The following PXK variants were observed in gnomAD, a reference collection of about 807,000 sequenced individuals.
PXK encodes PX domain containing serine/threonine kinase like.
PXK carries 35 observed loss-of-function variants against 84.7 expected under a neutral mutation model. That is an observed-to-expected ratio of 0.41 (90% CI 0.32 to 0.55). The LOEUF (loss-of-function observed/expected upper bound fraction) is 0.55. Among genes scored for constraint, PXK ranks in the 20% least tolerant of loss-of-function variants. The probability of loss-of-function intolerance (pLI) is 0.21; values close to 1 mark genes in which losing one functional copy is unlikely to be tolerated. For missense variants in PXK, 634 were observed against 699.7 expected, an observed-to-expected ratio of 0.91 and a Z score of 1.06; for synonymous variants, 253 against 260.8, an observed-to-expected ratio of 0.97 and a Z score of 0.29.
At chr3:58,408,242 T>A (rs913507125) in intron 13 of PXK, among the ~76,000 whole-genome samples, 1 of 152,248 alleles carries the variant, frequency 6.6e-6, no homozygotes, top group African/African-American at 2.4e-5. Context: ...TGTATCTGCC[T>A]GCATGTCAGT....
intron 1 of PXK, among the ~76,000 whole-genome samples, chr3:58,348,998 T>C (rs998837801): frequency 6.6e-6 from 1 of 152,150 alleles, no homozygotes. Context: ...ACAGCATATC[T>C]CAATTGGGAC....
At chr3:58,402,274 CCTT>C (rs2058704328) in intron 12 of PXK, among the ~76,000 whole-genome samples, 1 of 139,134 alleles carries the variant, frequency 7.2e-6, no homozygotes, top group South Asian at 2.6e-4. Flanking sequence ...CTCTCTCCCC[CCTT>C]CTTCTTTTTG....
chr3:58,395,708 T>C lies in PXK; in HGVS notation c.771T>C (p.Ile257=), dbSNP rs1156357767. Residue 257 remains isoleucine, a synonymous_variant, in exon 9 of 18, where the codon ATT becomes ATC. Coordinates refer to ENST00000356151, the MANE Select transcript of PXK (RefSeq NM_017771.5). ...AGAAGTACTGCAACCCTAAGAAGAT[T>C]CAGGGCCTGGAACTCCAGCAAATAA... ...FLKKYCNPKK[I]QGLELQQIKT... 1 of 1,613,968 alleles carries C rather than the reference T, an allele frequency of 6.2e-7. No individual in the cohort carries two copies. The highest frequency in any genetic ancestry group is 1.7e-5 in the Admixed American group (1 of 60,002).
rs375411152 is a variant in PXK, at chr3:58,399,787, A to G, written c.1181+410A>G. On this transcript the variant is annotated intron_variant, in intron 12 of 17. Coordinates refer to ENST00000356151, the MANE Select transcript of PXK (RefSeq NM_017771.5). The surrounding 1 kb of genome is among the most constrained non-coding windows in gnomAD (Gnocchi z 4.3). ...TAGTTCACAAGTCACAGGGCCTTGAAGGGTCTGCCCTCCAGGAAGAGGGCA... is the reference window on the plus strand; with the variant it reads ...TAGTTCACAAGTCACAGGGCCTTGAGGGGTCTGCCCTCCAGGAAGAGGGCA... Among the ~76,000 whole-genome samples the G allele has an allele frequency of 2.8e-4, 43 of 152,184 alleles. No individual in the cohort carries two copies. In the South Asian group the frequency reaches 3.7e-3, roughly 13 times the overall value.
Position 58,385,782 on chromosome 3 carries a change from A to C in PXK, c.388+3082A>C, listed in dbSNP as rs183144634. Among the ~76,000 whole-genome samples, 13 of 152,236 alleles carry C rather than the reference A, an allele frequency of 8.5e-5. No homozygotes were observed. Among genetic ancestry groups the C allele is most frequent in the South Asian group, 2.1e-4 (1 of 4,814 alleles). ...CCAAAGTGCTGGGATTACAGGCATGAGCCACTGTGCCTGGCCCACTTTTCC... is the reference window on the plus strand; with the variant it reads ...CCAAAGTGCTGGGATTACAGGCATGCGCCACTGTGCCTGGCCCACTTTTCC... On this transcript the variant is annotated intron_variant, in intron 4 of 17. Transcript: ENST00000356151. This position sits in a 1 kb window ranked among gnomAD's most constrained non-coding sequence, Gnocchi z 5.1.
chr3:58,369,164 C>A (rs1225795719), intron 2 of PXK, among the ~76,000 whole-genome samples: 2 of 152,132 alleles, frequency 1.3e-5, no homozygotes, highest in Admixed American at 1.3e-4. Context: ...GCCCTGAAAA[C>A]AAATATTCTC....
chr3:58,350,528 G>T (rs1043129978), intron 1 of PXK, among the ~76,000 whole-genome samples: 1 of 152,188 alleles, frequency 6.6e-6, no homozygotes, highest in African/African-American at 2.4e-5. Flanking sequence ...AAAGTATTGT[G>T]TCCAAGGGCA....
intron 17 of PXK, chr3:58,422,148 T>C (rs970695797): frequency 1.0e-6 from 1 of 985,230 alleles, no homozygotes; most frequent in African/African-American, 1.7e-5. Flanking sequence ...AGGAAGCTTG[T>C]GGACCATGGA....
intron 4 of PXK, 59 bp downstream of exon 4, chr3:58,382,759 G>T: frequency 7.9e-7 from 1 of 1,257,890 alleles, no homozygotes; most frequent in Non-Finnish European, 1.1e-6. Flanking sequence ...GTCCCTTGCT[G>T]GAGATAACGT....
intron 17 of PXK, chr3:58,422,799 C>T (rs926233463): frequency 2.0e-6 from 2 of 985,310 alleles, no homozygotes; most frequent in African/African-American, 1.7e-5. Context: ...GAGGGCTAGT[C>T]AGTCTCTAGA....
At chr3:58,413,732 A>T (rs2060552093) in intron 17 of PXK, 1 of 152,190 alleles carries the variant, frequency 6.6e-6, no homozygotes, top group South Asian at 2.1e-4. Context: ...ATGTGCGAGG[A>T]GCTGCTTCTG....
intron 17 of PXK, among the ~76,000 whole-genome samples, chr3:58,418,720 G>A (rs2061371136): frequency 6.6e-6 from 1 of 152,210 alleles, no homozygotes; most frequent in South Asian, 2.1e-4. Context: ...CTTGCAATCA[G>A]ATAATTCTAG....
At chr3:58,351,414 T>TGTGTGC (rs1488876244) in intron 1 of PXK, among the ~76,000 whole-genome samples, 1 of 150,994 alleles carries the variant, frequency 6.6e-6, no homozygotes, top group Non-Finnish European at 1.5e-5. Context: ...TGTGTGTGTG[T>TGTGTGC]GTGTGTGTGT....
At chr3:58,408,754 C>T (rs1220914655) in intron 13 of PXK, among the ~76,000 whole-genome samples, 170 bp from the exon 14 acceptor site, 2 of 152,116 alleles carry the variant, frequency 1.3e-5, no homozygotes, top group Admixed American at 6.5e-5. Context: ...CATCTCCTGA[C>T]CGCGTGATCC....
chr3:58,405,448 A>G (rs6803151), intron 13 of PXK, among the ~76,000 whole-genome samples: 111,955 of 152,032 alleles, frequency 0.74, 41,746 homozygotes, highest in East Asian at 0.81. Context: ...GGAGGCTGAG[A>G]CAGGTGGATC....
chr3:58,390,737 T>G lies in PXK; in HGVS notation c.466+78T>G. The G allele has an allele frequency of 7.4e-7, 1 of 1,355,746 alleles. No homozygotes were observed. The highest frequency in any genetic ancestry group is 1.0e-6 in the Non-Finnish European group (1 of 972,050). 84.0% of individuals were successfully genotyped at this position (1,355,746 alleles called of 1,614,324 possible). A position where few individuals can be genotyped will look rare whatever the true frequency, so the allele number is the denominator to read the frequency against. On this transcript the variant is annotated intron_variant, in intron 5 of 17. Transcript: ENST00000356151. The surrounding 1 kb of genome is among the most constrained non-coding windows in gnomAD (Gnocchi z 4.2). ...CCTTAGTCATGCTTTCTGATACGTA[T>G]CCCAGGAACATGCTTAAATGCAGGT...
chr3:58,382,189 G>A (rs2098509885), intron 3 of PXK, among the ~76,000 whole-genome samples: 1 of 152,024 alleles, frequency 6.6e-6, no homozygotes, highest in Admixed American at 6.5e-5. Flanking sequence ...GATGTCACAT[G>A]CCTGTAGTCC....
intron 1 of PXK, among the ~76,000 whole-genome samples, chr3:58,354,769 A>G (rs1303046850): frequency 1.4e-4 from 21 of 151,896 alleles, no homozygotes; most frequent in Non-Finnish European, 1.5e-5. Flanking sequence ...AGAGGTTTAG[A>G]ACAATGGTTC....
Position 58,401,114 on chromosome 3 carries a change from A to T in PXK, c.1181+1737A>T, listed in dbSNP as rs1296924765. 6.6e-6 allele frequency among the ~76,000 whole-genome samples: 1 copy of T among 152,078 alleles called. No homozygotes were observed. Among genetic ancestry groups the T allele is most frequent in the Non-Finnish European group, 1.5e-5 (1 of 68,016 alleles). ...GTCTTCCAGTCCTTAAGTGAATCCA[A>T]ATATTTTTTTCTTCACCTAAGTCTT... On this transcript the variant is annotated intron_variant, in intron 12 of 17. Coordinates refer to ENST00000356151, the MANE Select transcript of PXK (RefSeq NM_017771.5). This position sits in a 1 kb window ranked among gnomAD's most constrained non-coding sequence, Gnocchi z 4.4.
Sources: allele counts gnomAD v4.1 joint callset (sites outside exome capture counted in the v4.1 genomes callset), GRCh38; gene constraint gnomAD v4.1.1; non-coding constraint Gnocchi (gnomAD v3.1); transcripts MANE v1.5; gene names NCBI Gene and HGNC (gene_info 2026-07-23, HGNC 2026-07-21).